The following TRIB2 variants were observed in gnomAD, a reference collection of about 807,000 sequenced individuals.
The protein encoded by TRIB2 is tribbles pseudokinase 2.
Under a neutral mutation model 26.8 loss-of-function variants are expected in TRIB2, and 2 were observed. The ratio of observed to expected loss-of-function variants is 0.07; its 90% CI spans 0.03 to 0.24. The LOEUF is 0.24. TRIB2 is among the 10% of genes least tolerant of loss of function. The pLI, the probability that TRIB2 is intolerant of heterozygous loss-of-function variation, is 1.00. For missense variants in TRIB2, 306 were observed against 449.0 expected (o/e 0.68, Z 2.88); for synonymous variants, 189 against 187.3 (o/e 1.01, Z -0.08).
intron 2 of TRIB2, among the ~76,000 whole-genome samples, chr2:12,725,851 C>T (rs1661330273): frequency 6.6e-6 from 1 of 152,230 alleles, no homozygotes; most frequent in African/African-American, 2.4e-5. Flanking sequence ...TGTGTGATAG[C>T]CCCTTTGGCC....
intron 2 of TRIB2, among the ~76,000 whole-genome samples, chr2:12,735,398 A>G (rs771960816): frequency 1.5e-4 from 23 of 152,080 alleles, no homozygotes; most frequent in Non-Finnish European, 2.9e-4. Context: ...GCACACGTAC[A>G]GCGCACCTTG....
intron 2 of TRIB2, among the ~76,000 whole-genome samples, chr2:12,727,086 C>T (rs1179199616): frequency 6.6e-6 from 1 of 152,182 alleles, no homozygotes; most frequent in African/African-American, 2.4e-5. Context: ...AGCTCAGAGT[C>T]TTCTGTTTCC....
In TRIB2 at chr2:12,733,671, A is replaced by G. The variant is rs112560547; in HGVS notation, c.564-6655A>G. Among the ~76,000 whole-genome samples, 246 of 152,338 alleles carry G rather than the reference A, an allele frequency of 1.6e-3. 2 individuals are homozygous for G. The highest frequency in any genetic ancestry group is 5.5e-3 in the African/African-American group (228 of 41,572). On this transcript the variant is annotated intron_variant, in intron 2 of 2. Coordinates refer to ENST00000155926, the MANE Select transcript of TRIB2 (RefSeq NM_021643.4). ...TTGTTACTATAATTATTATTAGGAT[A>G]TCATATGGTGTGTTGTAATCACTAG...
At position 12,717,390 on chromosome 2, in the gene TRIB2, T is replaced by C; in HGVS notation, c.-918T>C. ...GAAATCGGAGACCGCCGATCTGTCC[T>C]CGTTCTCTCCTGCACGTCTGGCTGC... On this transcript the variant is annotated 5_prime_UTR_variant, in exon 1 of 3. Coordinates refer to ENST00000155926, the MANE Select transcript of TRIB2 (RefSeq NM_021643.4). The surrounding 1 kb of genome is among the most constrained non-coding windows in gnomAD (Gnocchi z 4.8). 2.5e-6 allele frequency: 1 copy of C among 398,510 alleles called. No individual in the cohort carries two copies. Among genetic ancestry groups the C allele is most frequent in the Non-Finnish European group, 4.4e-6 (1 of 226,038 alleles). 24.7% of individuals were successfully genotyped at this position (398,510 alleles called of 1,614,324 possible).
Position 12,732,583 on chromosome 2 carries a change from G to A in TRIB2, c.564-7743G>A, listed in dbSNP as rs1209447561. ...TGGTTCACTGACTCTCCAAGACTTG[G>A]TGCAGAGGTGGCTCTCAGAGGTGAC... On this transcript the variant is annotated intron_variant, in intron 2 of 2. Transcript: ENST00000155926. The surrounding 1 kb of genome is among the most constrained non-coding windows in gnomAD (Gnocchi z 4.2). Among the ~76,000 whole-genome samples, 1 of 152,218 alleles carries A rather than the reference G, an allele frequency of 6.6e-6. No homozygotes were observed. Among genetic ancestry groups the A allele is most frequent in the Non-Finnish European group, 1.5e-5 (1 of 68,032 alleles).
chr2:12,718,387 TGTC>T lies in TRIB2; in HGVS notation c.84_86del (p.Ser29del), dbSNP rs1666648111. On this transcript the variant is annotated inframe_deletion, in exon 1 of 3. Transcript: ENST00000155926. The surrounding 1 kb of genome is among the most constrained non-coding windows in gnomAD (Gnocchi z 4.0). ...AACAAAACCCAGGATTTCGAAGAGT[TGTC>T]GTCTATAAGGTCCGCGGAGCCCAGC... The T allele has an allele frequency of 6.2e-7, 1 of 1,614,066 alleles. No individual in the cohort carries two copies. Among genetic ancestry groups the T allele is most frequent in the African/African-American group, 1.3e-5 (1 of 74,920 alleles).
At chr2:12,733,200 A>C (rs1380229943) in intron 2 of TRIB2, among the ~76,000 whole-genome samples, 1 of 152,134 alleles carries the variant, frequency 6.6e-6, no homozygotes, top group Non-Finnish European at 1.5e-5. Flanking sequence ...AGTCACATCT[A>C]CTTTCTGTTA....
chr2:12,733,912 C>A (rs983629648), intron 2 of TRIB2, among the ~76,000 whole-genome samples: 1 of 152,094 alleles, frequency 6.6e-6, no homozygotes, highest in African/African-American at 2.4e-5. Context: ...CTTTCAGTGC[C>A]GACCTGTGCT....
At position 12,740,176 on chromosome 2, in the gene TRIB2, T is replaced by G. The variant is rs1049525745; in HGVS notation, c.564-150T>G. ...TAGCTGGCAGCTAGAAGGTGCTCAG[T>G]GAGTAATGTTTGGCTGGTCAGATGA... On this transcript the variant is annotated intron_variant, in intron 2 of 2. Transcript: ENST00000155926. The surrounding 1 kb of genome is among the most constrained non-coding windows in gnomAD (Gnocchi z 5.8). 1 of 773,728 alleles carries G rather than the reference T, an allele frequency of 1.3e-6. No homozygotes were observed. Among genetic ancestry groups the G allele is most frequent in the Non-Finnish European group, 2.0e-6 (1 of 487,828 alleles). 47.9% of individuals were successfully genotyped at this position (773,728 alleles called of 1,614,324 possible). A position where few individuals can be genotyped will look rare whatever the true frequency, so the allele number is the denominator to read the frequency against.
chr2:12,738,669 G>T (rs1661639943), intron 2 of TRIB2, among the ~76,000 whole-genome samples: 1 of 152,092 alleles, frequency 6.6e-6, no homozygotes, highest in African/African-American at 2.4e-5. Flanking sequence ...GAACAGTAGG[G>T]CAGGAAAACA....
chr2:12,740,605 CAAGT>C lies in TRIB2; in HGVS notation c.844_847del (p.Lys282AlafsTer15). Reference sequence around the variant, plus strand: ...TTCCAGAGACTCTGTCGCCCAAGGCCAAGTGCCTCATCCGAAGCATTCTGCGTCG... The same window carrying C: ...TTCCAGAGACTCTGTCGCCCAAGGCCGCCTCATCCGAAGCATTCTGCGTCG... On this transcript the variant is annotated frameshift_variant, in exon 3 of 3. Coordinates refer to ENST00000155926, the MANE Select transcript of TRIB2 (RefSeq NM_021643.4). LOFTEE classifies it high-confidence loss of function. This position sits in a 1 kb window ranked among gnomAD's most constrained non-coding sequence, Gnocchi z 5.8. 1 of 1,614,186 alleles carries C rather than the reference CAAGT, an allele frequency of 6.2e-7. No homozygotes were observed. Among genetic ancestry groups the C allele is most frequent in the Non-Finnish European group, 8.5e-7 (1 of 1,180,038 alleles).
chr2:12,728,616 G>C (rs1197636796), intron 2 of TRIB2, among the ~76,000 whole-genome samples: 1 of 152,150 alleles, frequency 6.6e-6, no homozygotes, highest in African/African-American at 2.4e-5. Flanking sequence ...TTCTTCTTTG[G>C]GTAGAAGATC....
chr2:12,731,769 G>T (rs1572482764), intron 2 of TRIB2, among the ~76,000 whole-genome samples: 2 of 152,316 alleles, frequency 1.3e-5, no homozygotes, highest in South Asian at 4.1e-4. Context: ...TGGGTGCAGA[G>T]ATGCACTCAC....
In TRIB2 at chr2:12,741,861, T is replaced by G. The variant is rs1661717767; in HGVS notation, c.*1067T>G. 1 of 152,684 alleles carries G rather than the reference T, an allele frequency of 6.5e-6. No homozygotes were observed. The allele number at this position is 152,684 out of a possible 1,614,324, so 9.5% of individuals were successfully genotyped here. A position where few individuals can be genotyped will look rare whatever the true frequency, so the allele number is the denominator to read the frequency against. On this transcript the variant is annotated 3_prime_UTR_variant, in exon 3 of 3. Coordinates refer to ENST00000155926, the MANE Select transcript of TRIB2 (RefSeq NM_021643.4). ...TTTAAGGCTTGTAAGGCCCTCTGGT[T>G]TGGACAAAAACCCTCAGTAGAGACA...
Position 12,723,570 on chromosome 2 carries a change from C to T in TRIB2, c.563+18C>T. The stretch of plus-strand genomic sequence containing the variant: ...GAAGAGAGGTAGGTCTCATCCTGTC[C>T]AGACCTGGGTACTGTGATGGACTGC... On this transcript the variant is annotated intron_variant, in intron 2 of 2. Coordinates refer to ENST00000155926, the MANE Select transcript of TRIB2 (RefSeq NM_021643.4). 1.2e-6 allele frequency: 2 copies of T among 1,609,348 alleles called. No individual in the cohort carries two copies. The highest frequency in any genetic ancestry group is 1.7e-6 in the Non-Finnish European group (2 of 1,177,538).
intron 2 of TRIB2, among the ~76,000 whole-genome samples, chr2:12,735,894 G>T (rs1572484713): frequency 2.0e-5 from 3 of 152,262 alleles, no homozygotes; most frequent in Admixed American, 2.0e-4. Context: ...GGGGCAGCTG[G>T]TATTTGGCAG....
Position 12,718,187 on chromosome 2 carries a change from GTCCCC to G in TRIB2, c.-113_-109del. The G allele has an allele frequency of 7.5e-7, 1 of 1,326,878 alleles. No individual in the cohort carries two copies. The highest frequency in any genetic ancestry group is 1.0e-6 in the Non-Finnish European group (1 of 988,270). 82.2% of individuals were successfully genotyped at this position (1,326,878 alleles called of 1,614,324 possible). On this transcript the variant is annotated 5_prime_UTR_variant, in exon 1 of 3. Transcript: ENST00000155926. This position sits in a 1 kb window ranked among gnomAD's most constrained non-coding sequence, Gnocchi z 4.0. ...TCTTTCTCCACGCAGCCCCTCTTCTGTCCCCTCCCCTCTCGCTCCCTTTTAAAATC... is the reference window on the plus strand; with the variant it reads ...TCTTTCTCCACGCAGCCCCTCTTCTGTCCCCTCTCGCTCCCTTTTAAAATC...
rs1661711353 is a variant in TRIB2, at chr2:12,741,458, C to A, written c.*664C>A. 6.6e-6 allele frequency: 1 copy of A among 152,442 alleles called. No homozygotes were observed. Among genetic ancestry groups the A allele is most frequent in the Non-Finnish European group, 1.5e-5 (1 of 68,086 alleles). 9.4% of individuals were successfully genotyped at this position (152,442 alleles called of 1,614,324 possible). A position where few individuals can be genotyped will look rare whatever the true frequency, so the allele number is the denominator to read the frequency against. The stretch of plus-strand genomic sequence containing the variant: ...TCCCTGAAGGGGGAAAAAATCTGTC[C>A]TTTAACAAGCTATTCTGTTTTGTGT... On this transcript the variant is annotated 3_prime_UTR_variant, in exon 3 of 3. Transcript: ENST00000155926.
intron 2 of TRIB2, among the ~76,000 whole-genome samples, chr2:12,738,452 C>T (rs574207300): frequency 5.3e-5 from 8 of 152,260 alleles, no homozygotes; most frequent in African/African-American, 1.4e-4. Context: ...CTTGTGGATG[C>T]TGTCTTAATC....
Sources: gnomAD v4.1 joint callset for allele counts (sites outside exome capture counted in the v4.1 genomes callset) on GRCh38, gnomAD v4.1.1 for gene constraint, Gnocchi (gnomAD v3.1) non-coding constraint, MANE v1.5 for transcripts, NCBI Gene and HGNC (gene_info 2026-07-23, HGNC 2026-07-21) for gene names.